The following WNT4 variants were observed in gnomAD, a reference collection of about 807,000 sequenced individuals.
WNT4 encodes protein Wnt-4.
In WNT4, 16 loss-of-function variants were observed where a neutral mutation model predicts 34.5. That is an observed-to-expected ratio of 0.46 (90% CI 0.31 to 0.70). The LOEUF (loss-of-function observed/expected upper bound fraction) is 0.70, where lower values mean the gene tolerates loss of function less well. Ranked by LOEUF, WNT4 falls within the 30% of genes least tolerant of loss-of-function variation. WNT4 has a pLI of 0.04. For missense variants in WNT4, 379 were observed against 495.9 expected (o/e 0.76, Z 2.24); for synonymous variants, 200 against 211.9 (o/e 0.94, Z 0.49).
In WNT4 at chr1:22,119,809, C is replaced by T. The variant is rs1013103690; in HGVS notation, c.*241G>A. Reference sequence around the variant, plus strand: ...GTGGCAGCCACATGCGGGCAGCCAGCGGCACGAGCAAGGTCCCTTTGGTCA... The same window carrying T: ...GTGGCAGCCACATGCGGGCAGCCAGTGGCACGAGCAAGGTCCCTTTGGTCA... On this transcript the variant is annotated 3_prime_UTR_variant, in exon 5 of 5. Coordinates refer to ENST00000290167, the MANE Select transcript of WNT4 (RefSeq NM_030761.5). 54 of 587,020 alleles carry T rather than the reference C, an allele frequency of 9.2e-5. No homozygotes were observed. Among genetic ancestry groups the T allele is most frequent in the South Asian group, 6.2e-4 (31 of 49,850 alleles). The allele number at this position is 587,020 out of a possible 1,614,324, so 36.4% of individuals were successfully genotyped here. A position where few individuals can be genotyped will look rare whatever the true frequency, so the allele number is the denominator to read the frequency against.
Position 22,134,259 on chromosome 1 carries a change from G to T in WNT4, c.78-4408C>A, listed in dbSNP as rs1488878312. On this transcript the variant is annotated intron_variant, in intron 1 of 4. Coordinates refer to ENST00000290167, the MANE Select transcript of WNT4 (RefSeq NM_030761.5). The surrounding 1 kb of genome is among the most constrained non-coding windows in gnomAD (Gnocchi z 4.1). Reference sequence around the variant, plus strand: ...AGGGAGGAAGGAGGCCAAGTGGGTGGGAGGGGGAGCCGGAAGAAAACGGAG... The same window carrying T: ...AGGGAGGAAGGAGGCCAAGTGGGTGTGAGGGGGAGCCGGAAGAAAACGGAG... 1.3e-5 allele frequency among the ~76,000 whole-genome samples: 2 copies of T among 152,188 alleles called. No homozygotes were observed.
At chr1:22,125,353 A>T (rs1424290821) in intron 2 of WNT4, among the ~76,000 whole-genome samples, 1 of 152,088 alleles carries the variant, frequency 6.6e-6, no homozygotes, top group East Asian at 1.9e-4. Flanking sequence ...TGTAACTTAT[A>T]GCATCGAAAG....
intron 2 of WNT4, among the ~76,000 whole-genome samples, chr1:22,125,796 C>T (rs991350182): frequency 2.0e-5 from 3 of 152,180 alleles, no homozygotes; most frequent in East Asian, 1.9e-4. Context: ...CTGCCTCTCC[C>T]ACCTGCCCAG....
chr1:22,137,800 T>C lies in WNT4; in HGVS notation c.77+5046A>G, dbSNP rs1306323219. On this transcript the variant is annotated intron_variant, in intron 1 of 4. Transcript: ENST00000290167. This position sits in a 1 kb window ranked among gnomAD's most constrained non-coding sequence, Gnocchi z 5.3. ...CTCAGGGTCTGTTCCGGCCCAGCAGTGAGGGGCAGAGCAGCAGATCGGGGG... is the reference window on the plus strand; with the variant it reads ...CTCAGGGTCTGTTCCGGCCCAGCAGCGAGGGGCAGAGCAGCAGATCGGGGG... 6.6e-6 allele frequency among the ~76,000 whole-genome samples: 1 copy of C among 152,050 alleles called. No homozygotes were observed. Among genetic ancestry groups the C allele is most frequent in the East Asian group, 1.9e-4 (1 of 5,188 alleles).
Position 22,140,341 on chromosome 1 carries a change from A to C in WNT4, c.77+2505T>G. ...TTGGGCAGTTACCTCTGCGATCCCCAATCTTCTCATCTGTAACGGGATTGA... is the reference window on the plus strand; with the variant it reads ...TTGGGCAGTTACCTCTGCGATCCCCCATCTTCTCATCTGTAACGGGATTGA... On this transcript the variant is annotated intron_variant, in intron 1 of 4. Coordinates refer to ENST00000290167, the MANE Select transcript of WNT4 (RefSeq NM_030761.5). The surrounding 1 kb of genome is among the most constrained non-coding windows in gnomAD (Gnocchi z 5.9). The C allele has an allele frequency of 1.1e-6, 1 of 870,332 alleles. No individual in the cohort carries two copies. 53.9% of individuals were successfully genotyped at this position (870,332 alleles called of 1,614,324 possible). A position where few individuals can be genotyped will look rare whatever the true frequency, so the allele number is the denominator to read the frequency against.
rs1187999682 is a variant in WNT4, at chr1:22,117,331, A to T, written c.*2719T>A. ...TGCAAGATAAAGAAATAATTGTTTT[A>T]TCGTGCATCAGACTATGTCATGGGA... On this transcript the variant is annotated 3_prime_UTR_variant, in exon 5 of 5. Transcript: ENST00000290167. The T allele has an allele frequency of 6.6e-6, 1 of 152,264 alleles. No individual in the cohort carries two copies. Among genetic ancestry groups the T allele is most frequent in the Non-Finnish European group, 1.5e-5 (1 of 68,042 alleles). The allele number at this position is 152,264 out of a possible 1,614,324, so 9.4% of individuals were successfully genotyped here. A position where few individuals can be genotyped will look rare whatever the true frequency, so the allele number is the denominator to read the frequency against.
intron 2 of WNT4, among the ~76,000 whole-genome samples, chr1:22,129,227 G>A (rs574933235): frequency 6.6e-6 from 1 of 152,236 alleles, no homozygotes; most frequent in African/African-American, 2.4e-5. Flanking sequence ...AGAGCCTCGG[G>A]TCTGAGCCCT....
intron 1 of WNT4, among the ~76,000 whole-genome samples, chr1:22,141,864 C>T (rs1646070536): frequency 1.3e-5 from 2 of 152,350 alleles, no homozygotes; most frequent in South Asian, 2.1e-4. Context: ...GGCGATCCCC[C>T]TTCCCACCCC....
chr1:22,138,968 T>C (rs898113204), intron 1 of WNT4, among the ~76,000 whole-genome samples: 7 of 152,188 alleles, frequency 4.6e-5, no homozygotes, highest in Non-Finnish European at 1.5e-5. Flanking sequence ...CGTCCTTCAC[T>C]GCCCCCAGGG....
rs907639073 is a variant in WNT4, at chr1:22,137,729, G to A, written c.77+5117C>T. Among the ~76,000 whole-genome samples the A allele has an allele frequency of 3.9e-5, 6 of 152,236 alleles. No homozygotes were observed. The highest frequency in any genetic ancestry group is 1.2e-4 in the African/African-American group (5 of 41,464). On this transcript the variant is annotated intron_variant, in intron 1 of 4. Transcript: ENST00000290167. This position sits in a 1 kb window ranked among gnomAD's most constrained non-coding sequence, Gnocchi z 5.3. ...TGAGCAACCCCCTCGGGCAGAGCCT[G>A]GTCCTGGGGTGCTGCAGTGCTGGGG...
chr1:22,140,395 G>T lies in WNT4; in HGVS notation c.77+2451C>A. Reference sequence around the variant, plus strand: ...GTTGTTGGGATTTAGATCATGCTGTGGGAGTCATCATAATAATTATTATTG... The same window carrying T: ...GTTGTTGGGATTTAGATCATGCTGTTGGAGTCATCATAATAATTATTATTG... On this transcript the variant is annotated intron_variant, in intron 1 of 4. Transcript: ENST00000290167. This position sits in a 1 kb window ranked among gnomAD's most constrained non-coding sequence, Gnocchi z 5.9. 2.6e-6 allele frequency: 1 copy of T among 390,384 alleles called. No individual in the cohort carries two copies. Among genetic ancestry groups the T allele is most frequent in the Non-Finnish European group, 3.5e-6 (1 of 286,218 alleles). 24.2% of individuals were successfully genotyped at this position (390,384 alleles called of 1,614,324 possible).
chr1:22,140,264 T>C lies in WNT4; in HGVS notation c.77+2582A>G, dbSNP rs1407226808. 8.1e-6 allele frequency: 8 copies of C among 985,356 alleles called. No individual in the cohort carries two copies. Among genetic ancestry groups the C allele is most frequent in the Non-Finnish European group, 9.6e-6 (8 of 829,942 alleles). 61.0% of individuals were successfully genotyped at this position (985,356 alleles called of 1,614,324 possible). A position where few individuals can be genotyped will look rare whatever the true frequency, so the allele number is the denominator to read the frequency against. On this transcript the variant is annotated intron_variant, in intron 1 of 4. Coordinates refer to ENST00000290167, the MANE Select transcript of WNT4 (RefSeq NM_030761.5). The surrounding 1 kb of genome is among the most constrained non-coding windows in gnomAD (Gnocchi z 5.9). ...CACCTGCCTCCCCGAAGCTTTTCCT[T>C]CTAGAGGCAGCTTTTCAGTCGGACA...
In WNT4 at chr1:22,121,490, C is replaced by G. The variant is rs756364057; in HGVS notation, c.400G>C (p.Glu134Gln). 5 of 1,614,074 alleles carry G rather than the reference C, an allele frequency of 3.1e-6. No individual in the cohort carries two copies. The Admixed American group carries it at 5.0e-5, about 16-fold the overall frequency. The change falls in exon 3 of 5, where the codon GAG becomes CAG. Residue 134 changes from glutamate to glutamine, a missense_variant. This residue lies in a region of WNT4 where 313 missense variants were observed against 445.8 expected (regional missense o/e 0.70). Coordinates refer to ENST00000290167, the MANE Select transcript of WNT4 (RefSeq NM_030761.5). ...ACTGTCCTGTCACAGCCGCACTTCT[C>G]CAGCTCCCCACTGCTGCACGCCCGC... ...VTRACSSGEL[E>Q]KCGCDRTVHG...
intron 1 of WNT4, among the ~76,000 whole-genome samples, chr1:22,132,065 T>C (rs1645987864): frequency 6.6e-6 from 1 of 152,198 alleles, no homozygotes; most frequent in Non-Finnish European, 1.5e-5. Context: ...CACCTGTTGC[T>C]CTTGGCCTGC....
intron 1 of WNT4, among the ~76,000 whole-genome samples, chr1:22,132,224 C>A (rs1179370961): frequency 6.6e-6 from 1 of 152,162 alleles, no homozygotes; most frequent in African/African-American, 2.4e-5. Context: ...AGGGTGGGGG[C>A]CCTGTTTGCT....
intron 1 of WNT4, among the ~76,000 whole-genome samples, chr1:22,132,038 G>A (rs1206806044): frequency 1.3e-5 from 2 of 152,222 alleles, no homozygotes; most frequent in Non-Finnish European, 2.9e-5. Flanking sequence ...CCAAGGGGTC[G>A]CCTGTGGAGC....
At chr1:22,120,579 C>T (rs540019277) in intron 4 of WNT4, 62 bp from the exon 5 acceptor site, 34 of 1,523,104 alleles carry the variant, frequency 2.2e-5, no homozygotes, top group African/African-American at 1.4e-4. Flanking sequence ...AGGGGAGGGC[C>T]GCGGAGGCTG....
Position 22,129,741 on chromosome 1 carries a change from A to G in WNT4, c.188T>C (p.Val63Ala). The G allele has an allele frequency of 1.9e-6, 3 of 1,613,848 alleles. No homozygotes were observed. Among genetic ancestry groups the G allele is most frequent in the Non-Finnish European group, 2.5e-6 (3 of 1,179,988 alleles). The change falls in exon 2 of 5, where the codon GTC becomes GCC. Residue 63 changes from valine (V) to alanine (A), a missense_variant. Coordinates refer to ENST00000290167, the MANE Select transcript of WNT4 (RefSeq NM_030761.5). ...GGCACCGCGGCGCACCGAGTCCATG[A>G]CTTCCAGGTTCCGCTTGCACATCTG... ...QVQMCKRNLE[V>A]MDSVRRGAQL...
chr1:22,120,571 G>A (rs1448449721), intron 4 of WNT4, 54 bp from the exon 5 acceptor site: 1 of 1,549,178 alleles, frequency 6.5e-7, no homozygotes, highest in East Asian at 2.4e-5. Flanking sequence ...GGGAAGGCAG[G>A]GGAGGGCCGC....
Sources: gnomAD v4.1 joint callset for allele counts (sites outside exome capture counted in the v4.1 genomes callset) on GRCh38, gnomAD v4.1.1 for gene constraint, gnomAD v4.1.1 regional missense constraint, Gnocchi (gnomAD v3.1) non-coding constraint, MANE v1.5 for transcripts, NCBI Gene and HGNC (gene_info 2026-07-23, HGNC 2026-07-21) for gene names.